GIT2: variants seen among roughly 807,000 people sequenced by gnomAD.
GIT2 encodes the protein GIT ArfGAP 2.
In GIT2, 32 loss-of-function variants were observed where a neutral mutation model predicts 100.3. The observed-to-expected ratio is 0.32, with a 90% CI of 0.24 to 0.43. The LOEUF (loss-of-function observed/expected upper bound fraction) is 0.43, where lower values mean the gene tolerates loss of function less well. GIT2 is among the 20% of genes least tolerant of loss of function. The pLI is 1.00. For missense variants in GIT2, 737 were observed against 975.1 expected, an observed-to-expected ratio of 0.76 and a Z score of 3.25; for synonymous variants, 353 against 364.1, an observed-to-expected ratio of 0.97 and a Z score of 0.35.
intron 7 of GIT2, among the ~76,000 whole-genome samples, chr12:109,971,830 T>C (rs1883945909): frequency 6.6e-6 from 1 of 151,624 alleles, no homozygotes; most frequent in Non-Finnish European, 1.5e-5. Context: ...CTGTCTCTAC[T>C]GAAAATACAA....
intron 8 of GIT2, among the ~76,000 whole-genome samples, chr12:109,966,763 C>T (rs890513357): frequency 1.3e-5 from 2 of 152,126 alleles, no homozygotes; most frequent in Admixed American, 6.6e-5. Context: ...TGACAGTTTC[C>T]GTGCAAAGGT....
intron 17 of GIT2, chr12:109,938,955 C>T (rs1319570321): frequency 3.6e-6 from 2 of 549,500 alleles, no homozygotes; most frequent in Non-Finnish European, 6.5e-6. Context: ...AGACACATAA[C>T]ATGCTGGTAC....
At position 109,945,260 on chromosome 12, in the gene GIT2, C is replaced by A; in HGVS notation, c.1731G>T (p.Arg577Ser). Residue 577 changes from arginine to serine, a missense_variant and splice_region_variant, in exon 16 of 20, where the codon AGG becomes AGT. This residue lies in a region of GIT2 where 451 missense variants were observed against 543.7 expected (regional missense o/e 0.83). Transcript: ENST00000355312. ...GCAGACCATTCAGAATGTACTTAAC[C>A]CTTCGGGCGCTTTCGTCCCTCGACC... ...LSWSRDESARRASRLEKQNST... is the reference protein window; with the variant it reads ...LSWSRDESARSASRLEKQNST... The A allele has an allele frequency of 6.8e-7, 1 of 1,478,054 alleles. No individual in the cohort carries two copies. Among genetic ancestry groups the A allele is most frequent in the Non-Finnish European group, 9.5e-7 (1 of 1,056,946 alleles). The allele number at this position is 1,478,054 out of a possible 1,614,324, so 91.6% of individuals were successfully genotyped here.
intron 7 of GIT2, among the ~76,000 whole-genome samples, chr12:109,970,853 G>A (rs191291458): frequency 9.2e-5 from 14 of 152,262 alleles, no homozygotes; most frequent in Admixed American, 2.0e-4. Context: ...GCAGTGGCAC[G>A]ATCATGGCTC....
chr12:109,948,915 C>T lies in GIT2; in HGVS notation c.1393-1411G>A. 1 of 1,086,122 alleles carries T rather than the reference C, an allele frequency of 9.2e-7. No individual in the cohort carries two copies. The allele number at this position is 1,086,122 out of a possible 1,614,324, so 67.3% of individuals were successfully genotyped here. On this transcript the variant is annotated intron_variant, in intron 14 of 19. Coordinates refer to ENST00000355312, the MANE Select transcript of GIT2 (RefSeq NM_057169.5). The surrounding 1 kb of genome is among the most constrained non-coding windows in gnomAD (Gnocchi z 4.3). ...AACTTTATGTATATTAAAAACTTTACCCAACTTTGAAATATAATCAATACA... is the reference window on the plus strand; with the variant it reads ...AACTTTATGTATATTAAAAACTTTATCCAACTTTGAAATATAATCAATACA...
At chr12:109,967,746 C>G (rs560541925) in intron 7 of GIT2, among the ~76,000 whole-genome samples, 1 of 152,178 alleles carries the variant, frequency 6.6e-6, no homozygotes, top group African/African-American at 2.4e-5. Context: ...ACCCCAATCA[C>G]GACGATTAGT....
At chr12:109,945,029 T>C (rs1875897165) in intron 16 of GIT2, among the ~76,000 whole-genome samples, 1 of 152,164 alleles carries the variant, frequency 6.6e-6, no homozygotes, top group Non-Finnish European at 1.5e-5. Context: ...CTTTGTTAAA[T>C]ATGACGTGAA....
chr12:109,965,131 G>A (rs775907691), intron 9 of GIT2, among the ~76,000 whole-genome samples: 1 of 152,082 alleles, frequency 6.6e-6, no homozygotes, highest in African/African-American at 2.4e-5. Flanking sequence ...GAATCTATGG[G>A]ACTCGCCACC....
intron 3 of GIT2, among the ~76,000 whole-genome samples, chr12:109,989,361 A>C (rs558800441): frequency 2.0e-5 from 3 of 152,304 alleles, no homozygotes; most frequent in East Asian, 1.9e-4. Flanking sequence ...CCATCTTATA[A>C]GTGAGGCAAC....
In GIT2 at chr12:109,947,219, T is replaced by C. The variant is rs772434161; in HGVS notation, c.1641+37A>G. 1.5e-5 allele frequency: 24 copies of C among 1,590,786 alleles called. No homozygotes were observed. Among genetic ancestry groups the C allele is most frequent in the Non-Finnish European group, 2.1e-5 (24 of 1,165,352 alleles). The stretch of plus-strand genomic sequence containing the variant: ...GAGGGAACAGAGTAGACAGGCTGCA[T>C]AGAGTGAACAGCAGAAGCGCCAGTG... On this transcript the variant is annotated intron_variant, in intron 15 of 19. Transcript: ENST00000355312. The surrounding 1 kb of genome is among the most constrained non-coding windows in gnomAD (Gnocchi z 4.3).
At chr12:109,935,121 AT>A (rs1872632402) in intron 18 of GIT2, among the ~76,000 whole-genome samples, 1 of 152,048 alleles carries the variant, frequency 6.6e-6, no homozygotes, top group Non-Finnish European at 1.5e-5. Flanking sequence ...AAACCATTAC[AT>A]TTCAAGAAAA....
chr12:109,995,682 T>C (rs1260204025), intron 1 of GIT2, among the ~76,000 whole-genome samples: 1 of 151,964 alleles, frequency 6.6e-6, no homozygotes, highest in Non-Finnish European at 1.5e-5. Context: ...CCGGGCAGAG[T>C]AGCTGTCGGA....
At chr12:109,989,496 G>C (rs2271321) in intron 3 of GIT2, among the ~76,000 whole-genome samples, 194 bp downstream of exon 3, 2 of 151,914 alleles carry the variant, frequency 1.3e-5, no homozygotes, top group African/African-American at 4.8e-5. Flanking sequence ...ACTTACTCCT[G>C]CTGGGTGGCC....
chr12:109,997,092 C>A (rs1053811379), upstream of GIT2, among the ~76,000 whole-genome samples: 1 of 151,102 alleles, frequency 6.6e-6, no homozygotes, highest in African/African-American at 2.4e-5. Flanking sequence ...AGCCTGTAAT[C>A]TCAGTTACTT....
intron 8 of GIT2, among the ~76,000 whole-genome samples, chr12:109,966,663 A>C (rs985655057): frequency 4.6e-5 from 7 of 152,016 alleles, no homozygotes; most frequent in East Asian, 1.9e-4. Flanking sequence ...GCAAAAAAAA[A>C]CAAAACAAAA....
At chr12:109,999,596 C>G, upstream of GIT2, 5 of 1,070,568 alleles carry the variant, frequency 4.7e-6, no homozygotes, top group Non-Finnish European at 5.1e-6. The surrounding 1 kb of genome is among the most constrained non-coding windows in gnomAD (Gnocchi z 4.3). Flanking sequence ...CTCGCTTGCT[C>G]GCCGGCCTCA....
In GIT2 at chr12:109,947,720, C is replaced by T; in HGVS notation, c.1393-216G>A. On this transcript the variant is annotated intron_variant, in intron 14 of 19. Coordinates refer to ENST00000355312, the MANE Select transcript of GIT2 (RefSeq NM_057169.5). The surrounding 1 kb of genome is among the most constrained non-coding windows in gnomAD (Gnocchi z 4.3). ...ATCACGTAAGCAAATTAAATAGCTTCATTTCTGAATGTGGAAAAGTTGTGG... is the reference window on the plus strand; with the variant it reads ...ATCACGTAAGCAAATTAAATAGCTTTATTTCTGAATGTGGAAAAGTTGTGG... The T allele has an allele frequency of 1.9e-6, 1 of 529,112 alleles. No individual in the cohort carries two copies. Among genetic ancestry groups the T allele is most frequent in the Non-Finnish European group, 3.4e-6 (1 of 297,964 alleles). 32.8% of individuals were successfully genotyped at this position (529,112 alleles called of 1,614,324 possible).
chr12:109,960,145 C>T (rs1880665999), intron 11 of GIT2, among the ~76,000 whole-genome samples, 187 bp from the exon 12 acceptor site: 1 of 152,134 alleles, frequency 6.6e-6, no homozygotes, highest in Non-Finnish European at 1.5e-5. Context: ...CAGTTTAAAA[C>T]CATTTATATA....
In GIT2 at chr12:109,996,275, C is replaced by CGGCGGT. The variant is rs937288900; in HGVS notation, c.-57_-52dup. On this transcript the variant is annotated 5_prime_UTR_variant, in exon 1 of 20. Transcript: ENST00000355312. ...ACTAGAGGCCGGGGGACAGCAAAGG[C>CGGCGGT]GGCGGTGGCGGCGGCGCTTCCGCTC... The CGGCGGT allele has an allele frequency of 7.7e-7, 1 of 1,295,358 alleles. No homozygotes were observed. The highest frequency in any genetic ancestry group is 1.5e-5 in the African/African-American group (1 of 65,366). 80.2% of individuals were successfully genotyped at this position (1,295,358 alleles called of 1,614,324 possible).
Sources: allele counts gnomAD v4.1 joint callset (sites outside exome capture counted in the v4.1 genomes callset), GRCh38; gene constraint gnomAD v4.1.1; regional missense constraint gnomAD v4.1.1; non-coding constraint Gnocchi (gnomAD v3.1); transcripts MANE v1.5; gene names NCBI Gene and HGNC (gene_info 2026-07-23, HGNC 2026-07-21).